FUT9: variants seen among roughly 807,000 people sequenced by gnomAD.
FUT9 encodes the protein fucosyltransferase 9, also known as 4-galactosyl-N-acetylglucosaminide 3-alpha-L-fucosyltransferase 9.
Under a neutral mutation model 29.7 loss-of-function variants are expected in FUT9, and 15 were observed. The ratio of observed to expected loss-of-function variants is 0.51; its 90% confidence interval spans 0.34 to 0.78. FUT9 has a LOEUF of 0.78. FUT9 is among the 30% of genes least tolerant of loss of function. The pLI, the probability that FUT9 is intolerant of heterozygous loss-of-function variation, is 0.01. For missense variants in FUT9, 319 were observed against 425.4 expected, an observed-to-expected ratio of 0.75 and a Z score of 2.20; for synonymous variants, 169 against 153.7, an observed-to-expected ratio of 1.10 and a Z score of -0.74.
chr6:96,022,032 TTA>T, intron 1 of FUT9, among the ~76,000 whole-genome samples: 1 of 152,156 alleles, frequency 6.6e-6, no homozygotes, highest in African/African-American at 2.4e-5. Flanking sequence ...CTTTACAACT[TTA>T]TGTTTTCATG....
chr6:96,140,847 CTTCAATCATAATG>C (rs2127973066), intron 2 of FUT9, among the ~76,000 whole-genome samples: 1 of 152,302 alleles, frequency 6.6e-6, no homozygotes, highest in East Asian at 1.9e-4. Flanking sequence ...TATTCATATT[CTTCAATCATAATG>C]TTCAAATATC....
intron 1 of FUT9, among the ~76,000 whole-genome samples, chr6:96,021,409 A>T (rs1770067091): frequency 6.6e-6 from 1 of 151,910 alleles, no homozygotes; most frequent in South Asian, 2.1e-4. Context: ...TGGAAATGTA[A>T]CTAAGTATAT....
intron 1 of FUT9, among the ~76,000 whole-genome samples, chr6:96,078,405 CTTCTTTT>C: frequency 2.2e-5 from 1 of 45,230 alleles, no homozygotes; most frequent in East Asian, 7.3e-4. Flanking sequence ...TCATATTAGT[CTTCTTTT>C]TTTTTTTTTT....
chr6:96,030,685 G>A (rs1195442453), intron 1 of FUT9, among the ~76,000 whole-genome samples: 1 of 151,484 alleles, frequency 6.6e-6, no homozygotes, highest in Non-Finnish European at 1.5e-5. Context: ...GAATATTTAA[G>A]TGTGAATGAA....
chr6:96,075,246 G>A (rs1233982758), intron 1 of FUT9, among the ~76,000 whole-genome samples: 2 of 152,144 alleles, frequency 1.3e-5, no homozygotes, highest in Non-Finnish European at 2.9e-5. Context: ...TAGGAGCCAA[G>A]TTTGAAACTA....
chr6:96,162,697 C>T (rs1220376155), intron 2 of FUT9, among the ~76,000 whole-genome samples: 2 of 152,156 alleles, frequency 1.3e-5, no homozygotes, highest in Admixed American at 6.6e-5. Context: ...CAGAGACCAA[C>T]GTTAACTAGT....
At chr6:96,140,794 C>G (rs1279386889) in intron 2 of FUT9, among the ~76,000 whole-genome samples, 1 of 152,186 alleles carries the variant, frequency 6.6e-6, no homozygotes, top group Non-Finnish European at 1.5e-5. Context: ...CTGCATCCCC[C>G]TCATGACATG....
chr6:96,103,167 C>T (rs1771617314), intron 1 of FUT9, among the ~76,000 whole-genome samples: 1 of 152,056 alleles, frequency 6.6e-6, no homozygotes, highest in South Asian at 2.1e-4. Flanking sequence ...CATGTGACAG[C>T]ATTATTTAAG....
chr6:96,156,404 G>A (rs12524366), intron 2 of FUT9, among the ~76,000 whole-genome samples: 22,153 of 152,110 alleles, frequency 0.15, 1,798 homozygotes, highest in Non-Finnish European at 0.18. Context: ...GTGGACACTC[G>A]AAGAGTGAGT....
chr6:96,115,902 G>C (rs1270307586), intron 2 of FUT9, among the ~76,000 whole-genome samples: 1 of 152,056 alleles, frequency 6.6e-6, no homozygotes, highest in Middle Eastern at 3.4e-3. Flanking sequence ...TACTTGCTTT[G>C]TTGTAACTAA....
intron 1 of FUT9, among the ~76,000 whole-genome samples, chr6:96,099,505 A>C (rs555769462): frequency 1.3e-5 from 2 of 152,116 alleles, no homozygotes; most frequent in Admixed American, 6.6e-5. Flanking sequence ...TCAGAAAAAT[A>C]GTTGCCAATG....
intron 2 of FUT9, among the ~76,000 whole-genome samples, chr6:96,181,134 A>G (rs1773299157): frequency 6.6e-6 from 1 of 152,094 alleles, no homozygotes; most frequent in African/African-American, 2.4e-5. Context: ...TCATTTACTT[A>G]TGTGTGTATT....
intron 1 of FUT9, among the ~76,000 whole-genome samples, chr6:96,100,625 C>G (rs989230735): frequency 6.6e-6 from 1 of 152,144 alleles, no homozygotes; most frequent in Admixed American, 6.5e-5. Context: ...GAGAACAGAG[C>G]TGTATGACTG....
chr6:96,160,903 T>C (rs902083775), intron 2 of FUT9, among the ~76,000 whole-genome samples: 2 of 152,134 alleles, frequency 1.3e-5, no homozygotes, highest in Admixed American at 6.5e-5. Context: ...AGAGAGAGTA[T>C]GGGTGACGGA....
chr6:96,094,076 CA>C (rs1771456838), intron 1 of FUT9, among the ~76,000 whole-genome samples: 1 of 152,116 alleles, frequency 6.6e-6, no homozygotes, highest in Non-Finnish European at 1.5e-5. Flanking sequence ...CAAAATCAAA[CA>C]AGTTTTGGAT....
At chr6:96,143,166 C>CT (rs751841622) in intron 2 of FUT9, among the ~76,000 whole-genome samples, 35 of 152,126 alleles carry the variant, frequency 2.3e-4, no homozygotes, top group Non-Finnish European at 4.0e-4. Context: ...GGGTGGAACC[C>CT]TTGTTACTGG....
Position 96,155,405 on chromosome 6 carries a change from C to G in FUT9, c.-9+41278C>G, listed in dbSNP as rs78783515. Among the ~76,000 whole-genome samples, 45 of 152,142 alleles carry G rather than the reference C, an allele frequency of 3.0e-4. No homozygotes were observed. The East Asian group carries it at 7.8e-3, about 26-fold the overall frequency. On this transcript the variant is annotated intron_variant, in intron 2 of 2. Transcript: ENST00000302103. ...AGAAGTGATTAGGTTAAAATAAGGC[C>G]TTTAGTGTTTGGCCCTAATCTAAAA...
At chr6:96,073,844 A>T (rs775097557) in intron 1 of FUT9, among the ~76,000 whole-genome samples, 15 of 152,170 alleles carry the variant, frequency 9.9e-5, no homozygotes, top group African/African-American at 3.6e-4. Flanking sequence ...CTGACACAAC[A>T]TCTGTCATCT....
intron 2 of FUT9, among the ~76,000 whole-genome samples, chr6:96,142,662 T>C (rs747158539): frequency 1.3e-5 from 2 of 152,166 alleles, no homozygotes. Context: ...GCAGATCTAT[T>C]ATGAGGTCAG....
Sources: allele counts gnomAD v4.1 joint callset (sites outside exome capture counted in the v4.1 genomes callset), GRCh38; gene constraint gnomAD v4.1.1; transcripts MANE v1.5; gene names NCBI Gene and HGNC (gene_info 2026-07-23, HGNC 2026-07-21).